Variants in BBIP1 observed in about 807,000 individuals in gnomAD.
BBIP1 encodes BBSome-interacting protein 1.
Under a neutral mutation model 8.9 loss-of-function variants are expected in BBIP1, and 6 were observed. The observed-to-expected ratio is 0.67, with a 90% CI of 0.37 to 1.33. The LOEUF (loss-of-function observed/expected upper bound fraction) is 1.33. BBIP1 is among the 40% of genes most tolerant of loss of function. BBIP1 has a pLI of 0.02. For missense variants in BBIP1, 111 were observed against 109.2 expected, an observed-to-expected ratio of 1.02 and a Z score of -0.07; for synonymous variants, 32 against 33.4, an observed-to-expected ratio of 0.96 and a Z score of 0.14.
chr10:110,903,988 T>C (rs534533023), intron 2 of BBIP1: 18 of 152,372 alleles, frequency 1.2e-4, no homozygotes, highest in African/African-American at 4.1e-4. Context: ...AGAACCACTG[T>C]TGTATATGCA....
chr10:110,900,033 G>A lies in BBIP1; in HGVS notation c.*327C>T, dbSNP rs1321976990. The A allele has an allele frequency of 4.8e-6, 1 of 206,214 alleles. No individual in the cohort carries two copies. The highest frequency in any genetic ancestry group is 9.6e-6 in the Non-Finnish European group (1 of 104,554). 12.8% of individuals were successfully genotyped at this position (206,214 alleles called of 1,614,324 possible). On this transcript the variant is annotated 3_prime_UTR_variant, in exon 4 of 4. Transcript: ENST00000448814. ...ATAAAAGTTGTATTTAATCCCTTGTGCCCAAGAATGCTATAAAAGATCCCA... is the reference window on the plus strand; with the variant it reads ...ATAAAAGTTGTATTTAATCCCTTGTACCCAAGAATGCTATAAAAGATCCCA...
At chr10:110,902,303 A>G (rs1846024416) in intron 2 of BBIP1, 1 of 152,608 alleles carries the variant, frequency 6.6e-6, no homozygotes, top group Non-Finnish European at 1.5e-5. Context: ...CATATATGCC[A>G]TTTTTGCCAG....
chr10:110,907,057 C>T (rs1395651331), intron 2 of BBIP1: 1 of 152,220 alleles, frequency 6.6e-6, no homozygotes, highest in African/African-American at 2.4e-5. Flanking sequence ...CTTGCAGAAG[C>T]ACTACTTACT....
Position 110,900,270 on chromosome 10 carries a change from C to CA in BBIP1, c.*89dup. The CA allele has an allele frequency of 8.4e-7, 1 of 1,197,524 alleles. No individual in the cohort carries two copies. The highest frequency in any genetic ancestry group is 1.1e-6 in the Non-Finnish European group (1 of 887,088). The allele number at this position is 1,197,524 out of a possible 1,614,324, so 74.2% of individuals were successfully genotyped here. On this transcript the variant is annotated 3_prime_UTR_variant, in exon 4 of 4. Coordinates refer to ENST00000448814, the MANE Select transcript of BBIP1 (RefSeq NM_001195305.3). ...AATACTATCAATTTTATTGATAACA[C>CA]ATACTACTTTCAGCACACAGAAGCA...
intron 2 of BBIP1, chr10:110,908,072 T>C (rs1200476417): frequency 1.1e-5 from 3 of 264,598 alleles, no homozygotes; most frequent in African/African-American, 4.4e-5. Context: ...AGATGCTATA[T>C]CTTAAGCATA....
At chr10:110,915,300 G>C (rs977441415) in intron 2 of BBIP1, among the ~76,000 whole-genome samples, 6 of 152,074 alleles carry the variant, frequency 3.9e-5, no homozygotes, top group Middle Eastern at 3.2e-3. Flanking sequence ...GCGACTACAG[G>C]AACATGCTAC....
intron 2 of BBIP1, among the ~76,000 whole-genome samples, chr10:110,914,701 T>TGTTC (rs1477244563): frequency 1.3e-5 from 2 of 152,200 alleles, no homozygotes; most frequent in Non-Finnish European, 2.9e-5. Flanking sequence ...TCAATTTAGC[T>TGTTC]AATTAATTCA....
At chr10:110,901,032 T>C in intron 3 of BBIP1, 1 of 394,458 alleles carries the variant, frequency 2.5e-6, no homozygotes, top group African/African-American at 2.1e-5. Flanking sequence ...TTACCTGTTA[T>C]CCCAGCACTT....
chr10:110,905,561 TC>T (rs910789306), intron 2 of BBIP1, among the ~76,000 whole-genome samples: 1 of 142,868 alleles, frequency 7.0e-6, no homozygotes, highest in African/African-American at 2.6e-5. Context: ...GACTCCGTCC[TC>T]CCCCCACCCC....
At chr10:110,919,258 T>A (rs1846544352), upstream of BBIP1, 1 of 254,910 alleles carries the variant, frequency 3.9e-6, no homozygotes, top group Non-Finnish European at 7.4e-6. Context: ...CGCCTTAGCT[T>A]CAACAGTAAC....
chr10:110,903,013 C>T (rs1358264799), intron 2 of BBIP1: 2 of 152,054 alleles, frequency 1.3e-5, no homozygotes, highest in Non-Finnish European at 2.9e-5. Flanking sequence ...ACCACCTAGC[C>T]TCTCCATTAA....
chr10:110,909,464 G>A (rs1206607597), intron 2 of BBIP1, among the ~76,000 whole-genome samples: 1 of 152,212 alleles, frequency 6.6e-6, no homozygotes, highest in Non-Finnish European at 1.5e-5. Flanking sequence ...AAAGTGCTGG[G>A]ATTACAGGCA....
intron 2 of BBIP1, chr10:110,903,539 TAAGC>T (rs1846057553): frequency 6.6e-6 from 1 of 152,306 alleles, no homozygotes. Context: ...AGGGCTAAAA[TAAGC>T]AAGGTTGGAT....
chr10:110,905,377 A>G (rs571555971), intron 2 of BBIP1, among the ~76,000 whole-genome samples: 2 of 152,276 alleles, frequency 1.3e-5, no homozygotes, highest in East Asian at 3.9e-4. Context: ...CCTGGCTAAC[A>G]TGGTGAAACC....
Position 110,907,681 on chromosome 10 carries a change from T to TCG in BBIP1, c.38-6071_38-6070dup, listed in dbSNP as rs1328828546. 1.6e-5 allele frequency: 11 copies of TCG among 681,090 alleles called. No individual in the cohort carries two copies. The Admixed American group carries it at 2.5e-4, about 15-fold the overall frequency. 42.2% of individuals were successfully genotyped at this position (681,090 alleles called of 1,614,324 possible). On this transcript the variant is annotated intron_variant, in intron 2 of 3. Coordinates refer to ENST00000448814, the MANE Select transcript of BBIP1 (RefSeq NM_001195305.3). ...ATCTGAAAAGTGATTGTTCTTAACCTCGCTTGCTTGTATACCCCTCCGATT... is the reference window on the plus strand; with the variant it reads ...ATCTGAAAAGTGATTGTTCTTAACCTCGCGCTTGCTTGTATACCCCTCCGATT...
At chr10:110,915,133 A>T (rs1775142091) in intron 2 of BBIP1, among the ~76,000 whole-genome samples, 1 of 152,212 alleles carries the variant, frequency 6.6e-6, no homozygotes, top group South Asian at 2.1e-4. Flanking sequence ...TTCAGAAATC[A>T]GAATTGCTGA....
intron 2 of BBIP1, among the ~76,000 whole-genome samples, chr10:110,908,601 C>T (rs35483097): frequency 6.6e-6 from 1 of 152,078 alleles, no homozygotes; most frequent in African/African-American, 2.4e-5. Context: ...AGCGAAGAAG[C>T]ATAATGCAAT....
chr10:110,901,401 T>A (rs907772893), intron 3 of BBIP1, 137 bp downstream of exon 3: 1 of 639,102 alleles, frequency 1.6e-6, no homozygotes, highest in East Asian at 2.8e-5. Flanking sequence ...AAAAAGCATA[T>A]AGTAAAAGAC....
rs753007436 is a variant in BBIP1 at position 110,900,499 on chromosome 10, G to T, written c.140C>A (p.Thr47Lys). 1 of 1,533,482 alleles carries T rather than the reference G, an allele frequency of 6.5e-7. No homozygotes were observed. 95.0% of individuals were successfully genotyped at this position (1,533,482 alleles called of 1,614,324 possible). A position where few individuals can be genotyped will look rare whatever the true frequency, so the allele number is the denominator to read the frequency against. ...QGPLFVEDIM[T>K]MVLCKPKLLP... is the part of the protein sequence containing the mutation. ...AAGTTTGGGTTTACACAGCACCATT[G>T]TCATTATATCTTCCACAAACAGTGG... The change falls in exon 4 of 4, where the codon ACA (threonine) becomes AAA (lysine). Residue 47 changes from threonine to lysine, a missense_variant. Thr to Lys is a moderately conservative substitution (Grantham distance 78). Transcript: ENST00000448814.
Sources: gnomAD v4.1 joint callset for allele counts (sites outside exome capture counted in the v4.1 genomes callset) on GRCh38, gnomAD v4.1.1 for gene constraint, MANE v1.5 for transcripts, NCBI Gene and HGNC (gene_info 2026-07-23, HGNC 2026-07-21) for gene names.